Variants in KMT2D observed in about 807,000 individuals in gnomAD.
KMT2D encodes the protein histone-lysine N-methyltransferase 2D.
In KMT2D, 55 loss-of-function variants were observed where a neutral mutation model predicts 512.7. The observed-to-expected ratio is 0.11, with a 90% CI of 0.09 to 0.13. The LOEUF (loss-of-function observed/expected upper bound fraction) is 0.13. KMT2D is among the 10% of genes least tolerant of loss of function. The probability of loss-of-function intolerance (pLI) is 1.00; values close to 1 mark genes in which losing one functional copy is unlikely to be tolerated. For missense variants in KMT2D, 6,061 were observed against 7,127.9 expected (o/e 0.85, Z 5.39); for synonymous variants, 2,995 against 2,904.0 (o/e 1.03, Z -1.01).
rs1173224612 is a variant in KMT2D at position 49,026,585 on chromosome 12, C to T, written c.15381G>A (p.Lys5127=). ...CAIRAKCMFF[K]DKTMLCPMHK... ...GCATTGGACACAGCATGGTCTTGTC[C>T]TTGAAGAACATGCACTTGGCACGGA... Residue 5127 remains lysine, a synonymous_variant, in exon 49 of 55, where the codon AAG becomes AAA. Transcript: ENST00000301067. This position sits in a 1 kb window ranked among gnomAD's most constrained non-coding sequence, Gnocchi z 9.6. 2 of 1,614,040 alleles carry T rather than the reference C, an allele frequency of 1.2e-6. No individual in the cohort carries two copies. Among genetic ancestry groups the T allele is most frequent in the African/African-American group, 1.3e-5 (1 of 75,060 alleles).
rs2120572259 is a variant in KMT2D, at chr12:49,043,711, T to C, written c.5391A>G (p.Pro1797=). The C allele has an allele frequency of 6.2e-7, 1 of 1,613,994 alleles. No individual in the cohort carries two copies. The highest frequency in any genetic ancestry group is 8.5e-7 in the Non-Finnish European group (1 of 1,179,866). The stretch of plus-strand genomic sequence containing the variant: ...CTTTTGGGGTCCCTAGTCCAAAGCT[T>C]GGCCGGCCCACCCCAACTGCAAAAA... ...KALFAVGVGR[P]SFGLGTPKAK... Residue 1797 remains proline (P), a synonymous_variant, in exon 24 of 55, where the codon CCA becomes CCG. Transcript: ENST00000301067.
At position 49,037,213 on chromosome 12, in the gene KMT2D, G is replaced by A. The variant is rs775512107; in HGVS notation, c.10143C>T (p.Pro3381=). ...QSSQPVLSQK[P]MGTMPPSMCM... ...ACATGGAAGGTGGCATGGTGCCCAT[G>A]GGCTTCTGTGATAGCACTGGCTGTG... is the stretch of plus-strand genomic sequence containing the variant. Residue 3381 remains proline (P), a synonymous_variant, in exon 35 of 55, where the codon CCC becomes CCT. Transcript: ENST00000301067. 6.2e-7 allele frequency: 1 copy of A among 1,612,298 alleles called. No homozygotes were observed. Among genetic ancestry groups the A allele is most frequent in the Non-Finnish European group, 8.5e-7 (1 of 1,178,670 alleles).
Position 49,026,437 on chromosome 12 carries a change from T to C in KMT2D, c.15529A>G (p.Met5177Val), listed in dbSNP as rs1033739107. ...SIIQRGERLH[M>V]FRVGGLVFHA... ...AACACAAGGCCCCCCACACGGAACATGTGCAGCCGTTCTCCCCGCTGAATG... is the reference window on the plus strand; with the variant it reads ...AACACAAGGCCCCCCACACGGAACACGTGCAGCCGTTCTCCCCGCTGAATG... The change falls in exon 49 of 55, where the codon ATG becomes GTG. Residue 5177 changes from methionine (M) to valine (V), a missense_variant. Physicochemically the swap from Met to Val is conservative, Grantham distance 21. Coordinates refer to ENST00000301067, the MANE Select transcript of KMT2D (RefSeq NM_003482.4). The surrounding 1 kb of genome is among the most constrained non-coding windows in gnomAD (Gnocchi z 9.6). 12 of 1,613,916 alleles carry C rather than the reference T, an allele frequency of 7.4e-6. No individual in the cohort carries two copies. The highest frequency in any genetic ancestry group is 6.6e-5 in the South Asian group (6 of 91,092).
rs1464195680 is a variant in KMT2D at position 49,027,320 on chromosome 12, C to G, written c.14646G>C (p.Glu4882Asp). ...GAGTGGGTGGCTCTGGGGCGGGGCT[C>G]TCCTGTAGGAGGGTGCCCTGTATCA... ...QLDILSLLKQ[E>D]SPAPEPPTQH... is the part of the protein sequence containing the mutation. The change falls in exon 49 of 55, where the codon GAG becomes GAC. Residue 4882 changes from glutamate to aspartate, a missense_variant and splice_region_variant. Physicochemically the swap from Glu to Asp is conservative, Grantham distance 45. Coordinates refer to ENST00000301067, the MANE Select transcript of KMT2D (RefSeq NM_003482.4). 2.6e-6 allele frequency: 4 copies of G among 1,521,442 alleles called. No homozygotes were observed. Among genetic ancestry groups the G allele is most frequent in the Non-Finnish European group, 3.5e-6 (4 of 1,138,042 alleles). 94.2% of individuals were successfully genotyped at this position (1,521,442 alleles called of 1,614,324 possible).
Position 49,052,062 on chromosome 12 carries a change from C to T in KMT2D, c.1621G>A (p.Glu541Lys), listed in dbSNP as rs2120680726. The change falls in exon 11 of 55, where the codon GAA becomes AAA. Residue 541 changes from glutamate to lysine, a missense_variant. By Grantham distance (56) the Glu-to-Lys change is moderately conservative. Transcript: ENST00000301067. ...AATGGTGGGGACAGGGGCGATGCTT[C>T]AGGTGGTGGGGATAGAGGCGTCTCA... ...ALETPLSPPP[E>K]ASPLSPPFEE... 1 of 1,612,972 alleles carries T rather than the reference C, an allele frequency of 6.2e-7. No homozygotes were observed. The highest frequency in any genetic ancestry group is 8.5e-7 in the Non-Finnish European group (1 of 1,179,608).
At position 49,030,642 on chromosome 12, in the gene KMT2D, G is replaced by A. The variant is rs759415551; in HGVS notation, c.13798C>T (p.Leu4600=). ...QLRGAFGSGA[L]PTGPDYYSQL... is the part of the protein sequence containing the mutation. The stretch of plus-strand genomic sequence containing the variant: ...GAATAGTAGTCAGGGCCAGTGGGCA[G>A]CGCCCCACTTCCAAAGGCCCCCCTC... The change falls in exon 42 of 55, where the codon CTG becomes TTG. Residue 4600 remains leucine, a synonymous_variant. Coordinates refer to ENST00000301067, the MANE Select transcript of KMT2D (RefSeq NM_003482.4). 72 of 1,606,316 alleles carry A rather than the reference G, an allele frequency of 4.5e-5. No homozygotes were observed. The highest frequency in any genetic ancestry group is 2.2e-5 in the Non-Finnish European group (26 of 1,176,232).
rs374418866 is a variant in KMT2D, at chr12:49,033,668, T to C, written c.11037A>G (p.Gln3679=). 4.5e-4 allele frequency: 722 copies of C among 1,613,708 alleles called. 1 individual carries two copies. Among genetic ancestry groups the C allele is most frequent in the African/African-American group, 6.1e-4 (46 of 75,052 alleles). ...CACCAGAATGTTGCTGTTGCTGCTG[T>C]TGGGCCAGAGCTGTATTAAGGAAGG... The part of the protein sequence containing the change: ...GGPFLNTALA[Q]QQQQQHSGGA... Residue 3679 remains glutamine (Q), a synonymous_variant, in exon 40 of 55, where the codon CAA becomes CAG. Coordinates refer to ENST00000301067, the MANE Select transcript of KMT2D (RefSeq NM_003482.4).
chr12:49,031,081 C>G (rs776230463), intron 40 of KMT2D, 48 bp from the exon 41 acceptor site: 1 of 1,612,072 alleles, frequency 6.2e-7, no homozygotes, highest in Middle Eastern at 1.6e-4. Flanking sequence ...TCCTCAGAGC[C>G]CTCATCTCTT....
chr12:49,056,760 C>T (rs1023677795), intron 1 of KMT2D, among the ~76,000 whole-genome samples: 3 of 152,204 alleles, frequency 2.0e-5, no homozygotes, highest in Non-Finnish European at 2.9e-5. Flanking sequence ...GCAAATACCC[C>T]AGTCAGCCAC....
In KMT2D at chr12:49,028,145, C is replaced by T. The variant is rs1361493614; in HGVS notation, c.14383-4G>A. The T allele has an allele frequency of 6.2e-7, 1 of 1,613,888 alleles. No individual in the cohort carries two copies. The highest frequency in any genetic ancestry group is 1.7e-5 in the Admixed American group (1 of 59,992). ...CCACCATCACGCCATTCAGGTTCTG[C>T]CAGGGCCAGGGAAGGGATGGAAGAA... On this transcript the variant is annotated splice_polypyrimidine_tract_variant and splice_region_variant and intron_variant, in intron 46 of 54. Coordinates refer to ENST00000301067, the MANE Select transcript of KMT2D (RefSeq NM_003482.4).
Position 49,033,738 on chromosome 12 carries a change from C to G in KMT2D, c.10967G>C (p.Arg3656Pro), listed in dbSNP as rs1232636989. The G allele has an allele frequency of 1.2e-6, 2 of 1,613,290 alleles. No individual in the cohort carries two copies. The highest frequency in any genetic ancestry group is 1.7e-6 in the Non-Finnish European group (2 of 1,179,768). ...GPPGGQAGGL[R>P]LTPGGMALPG... Reference sequence around the variant, plus strand: ...TAGTGCCATACCCCCAGGGGTCAGGCGAAGACCTCCGGCTTGCCCACCCGG... The same window carrying G: ...TAGTGCCATACCCCCAGGGGTCAGGGGAAGACCTCCGGCTTGCCCACCCGG... Residue 3656 changes from arginine (R) to proline (P), a missense_variant, in exon 40 of 55, where the codon CGC becomes CCC. By Grantham distance (103) the Arg-to-Pro change is moderately radical. Around this residue, in one of 16 missense-constraint regions of KMT2D, gnomAD observed 1,600 missense variants for 1,754.9 expected, o/e 0.91. Transcript: ENST00000301067.
Position 49,039,016 on chromosome 12 carries a change from G to A in KMT2D, c.8367-27C>T, listed in dbSNP as rs1049412128. On this transcript the variant is annotated intron_variant, in intron 34 of 54. Coordinates refer to ENST00000301067, the MANE Select transcript of KMT2D (RefSeq NM_003482.4). This position sits in a 1 kb window ranked among gnomAD's most constrained non-coding sequence, Gnocchi z 5.0. The stretch of plus-strand genomic sequence containing the variant: ...TGGAAGAATATACAGTAGTCAGTAG[G>A]ATGAAATCAGATGAAAAGGAGCAAG... 3.9e-6 allele frequency: 6 copies of A among 1,550,008 alleles called. No homozygotes were observed. The African/African-American group carries it at 5.5e-5, about 14-fold the overall frequency.
At chr12:49,027,968 C>T in intron 47 of KMT2D, 38 bp from the exon 48 acceptor site, 1 of 1,613,394 alleles carries the variant, frequency 6.2e-7, no homozygotes, top group Non-Finnish European at 8.5e-7. Flanking sequence ...CCACCAGAAT[C>T]ACTCCCCTCA....
In KMT2D at chr12:49,027,226, G is replaced by A. The variant is rs750101930; in HGVS notation, c.14740C>T (p.Pro4914Ser). ...RQLSAPPPEE[P>S]SPPPSPLAPS... ...GCCAAGGGGGAAGGGGGCGGGGAGG[G>A]TTCTTCAGGAGGTGGGGCCGAGAGC... Residue 4914 changes from proline to serine, a missense_variant, in exon 49 of 55, where the codon CCC (proline) becomes TCC (serine). Around this residue, in one of 16 missense-constraint regions of KMT2D, gnomAD observed 1,600 missense variants for 1,754.9 expected, o/e 0.91. Coordinates refer to ENST00000301067, the MANE Select transcript of KMT2D (RefSeq NM_003482.4). 4 of 1,545,302 alleles carry A rather than the reference G, an allele frequency of 2.6e-6. No individual in the cohort carries two copies. Among genetic ancestry groups the A allele is most frequent in the East Asian group, 2.2e-5 (1 of 44,450 alleles).
At position 49,027,126 on chromosome 12, in the gene KMT2D, G is replaced by T. The variant is rs587783694; in HGVS notation, c.14840C>A (p.Pro4947His). ...GGATGAGGCCAGTGGCAGAGGTGAG[G>T]GGACGGGTGGCTCAGCCAAGGGTTC... ...PTEPLAEPPV[P>H]SPLPLASSPE... The change falls in exon 49 of 55, where the codon CCC becomes CAC. Residue 4947 changes from proline (P) to histidine (H), a missense_variant. Coordinates refer to ENST00000301067, the MANE Select transcript of KMT2D (RefSeq NM_003482.4). 7 of 1,585,580 alleles carry T rather than the reference G, an allele frequency of 4.4e-6. No homozygotes were observed. The Admixed American group carries it at 6.9e-5, about 16-fold the overall frequency.
Position 49,043,764 on chromosome 12 carries a change from C to T in KMT2D, c.5338G>A (p.Glu1780Lys), listed in dbSNP as rs747892077. The T allele has an allele frequency of 6.2e-7, 1 of 1,612,886 alleles. No homozygotes were observed. The highest frequency in any genetic ancestry group is 8.5e-7 in the Non-Finnish European group (1 of 1,179,126). ...AYLQEAFFGK[E>K]LLDLSRKALF... Reference sequence around the variant, plus strand: ...GCCTTACGGCTCAGGTCCAGCAGCTCCTTCCCAAAGAAGGCTTCCTGTGGG... The same window carrying T: ...GCCTTACGGCTCAGGTCCAGCAGCTTCTTCCCAAAGAAGGCTTCCTGTGGG... Residue 1780 changes from glutamate to lysine, a missense_variant, in exon 24 of 55, where the codon GAG becomes AAG. By Grantham distance (56) the Glu-to-Lys change is moderately conservative (BLOSUM62 1). Transcript: ENST00000301067.
At position 49,040,710 on chromosome 12, in the gene KMT2D, G is replaced by C. The variant is rs369458206; in HGVS notation, c.7060C>G (p.Pro2354Ala). 6.2e-7 allele frequency: 1 copy of C among 1,613,802 alleles called. No individual in the cohort carries two copies. Among genetic ancestry groups the C allele is most frequent in the Admixed American group, 1.7e-5 (1 of 60,012 alleles). The change falls in exon 32 of 55, where the codon CCT (proline) becomes GCT (alanine). Residue 2354 changes from proline (P) to alanine (A), a missense_variant. Physicochemically the swap from Pro to Ala is conservative, Grantham distance 27. Transcript: ENST00000301067. ...GLGLRPQEPP[P>A]AQALAPSPPS... ...GGAGAAGGTGCCAAAGCCTGGGCAGGGGGTGGCTCCTGGGGCCTTAGGCCC... is the reference window on the plus strand; with the variant it reads ...GGAGAAGGTGCCAAAGCCTGGGCAGCGGGTGGCTCCTGGGGCCTTAGGCCC...
Position 49,053,091 on chromosome 12 carries a change from C to T in KMT2D, c.955-19G>A, listed in dbSNP as rs772738926. 2.5e-6 allele frequency: 4 copies of T among 1,613,890 alleles called. No individual in the cohort carries two copies. In the African/African-American group the frequency reaches 4.0e-5, roughly 16 times the overall value. On this transcript the variant is annotated intron_variant, in intron 8 of 54. Coordinates refer to ENST00000301067, the MANE Select transcript of KMT2D (RefSeq NM_003482.4). ...GGCACGCCTAAGGGAAGGGAGTGGG[C>T]AAAACAGGCATTGGTCAGACAGCAA...
chr12:49,047,948 T>G lies in KMT2D; in HGVS notation c.4236+17A>C. The G allele has an allele frequency of 6.3e-7, 1 of 1,577,618 alleles. No individual in the cohort carries two copies. Among genetic ancestry groups the G allele is most frequent in the Non-Finnish European group, 8.7e-7 (1 of 1,146,792 alleles). ...GACCCTATTCCCCAGCCTACACCTC[T>G]TGGGCCCTGAACTCACCTTGCTGTT... On this transcript the variant is annotated intron_variant, in intron 15 of 54. Transcript: ENST00000301067.
Sources: allele counts gnomAD v4.1 joint callset (sites outside exome capture counted in the v4.1 genomes callset), GRCh38; gene constraint gnomAD v4.1.1; regional missense constraint gnomAD v4.1.1; non-coding constraint Gnocchi (gnomAD v3.1); transcripts MANE v1.5; gene names NCBI Gene and HGNC (gene_info 2026-07-23, HGNC 2026-07-21).